The following USP42 variants were observed in gnomAD, a reference collection of about 807,000 sequenced individuals.
USP42 encodes ubiquitin carboxyl-terminal hydrolase 42.
USP42 carries 23 observed loss-of-function variants against 113.0 expected under a neutral mutation model. That is an observed-to-expected ratio of 0.20 (90% CI 0.15 to 0.29). The LOEUF (loss-of-function observed/expected upper bound fraction) is 0.29. USP42 is among the 10% of genes least tolerant of loss of function. The pLI, the probability that USP42 is intolerant of heterozygous loss-of-function variation, is 1.00. For missense variants in USP42, 2,174 were observed against 1,779.8 expected (o/e 1.22, Z -3.99); for synonymous variants, 933 against 699.0 (o/e 1.33, Z -5.28).
At chr7:6,105,678 C>T (rs1779239965) in intron 1 of USP42, among the ~76,000 whole-genome samples, 1 of 152,212 alleles carries the variant, frequency 6.6e-6, no homozygotes, top group Admixed American at 6.5e-5. Context: ...GAGGAGAAGC[C>T]GGGTGGCGCG....
chr7:6,100,004 C>CTAT (rs1554332997), upstream of USP42, among the ~76,000 whole-genome samples: 2,893 of 144,294 alleles, frequency 0.02, 54 homozygotes, highest in Middle Eastern at 0.077. Context: ...TTTCACAAGT[C>CTAT]TATTATTATT....
chr7:6,135,773 G>A, intron 3 of USP42, 68 bp from the exon 4 acceptor site: 1 of 738,988 alleles, frequency 1.4e-6, no homozygotes, highest in Non-Finnish European at 2.0e-6. Context: ...CCCCTGATTT[G>A]TAATTAGCCT....
chr7:6,152,521 A>G (rs771381500), intron 14 of USP42, among the ~76,000 whole-genome samples: 16 of 151,710 alleles, frequency 1.1e-4, no homozygotes, highest in Non-Finnish European at 1.9e-4. Context: ...GAGTGCCCTC[A>G]CTGAGGCCCT....
At position 6,133,891 on chromosome 7, in the gene USP42, C is replaced by CTT. The variant is rs386409441; in HGVS notation, c.443-1934_443-1933dup. Reference sequence around the variant, plus strand: ...TGCATCTATTTCCATGTTTCTTCTTCTTTTTTTTTTTTTTTTTGAGACAGC... The same window carrying CTT: ...TGCATCTATTTCCATGTTTCTTCTTCTTTTTTTTTTTTTTTTTTTGAGACAGC... On this transcript the variant is annotated intron_variant, in intron 3 of 17. Coordinates refer to ENST00000306177, the MANE Select transcript of USP42 (RefSeq NM_032172.3). 9.1e-4 allele frequency among the ~76,000 whole-genome samples: 118 copies of CTT among 129,018 alleles called. 2 individuals carry two copies. Among genetic ancestry groups the CTT allele is most frequent in the East Asian group, 6.6e-3 (29 of 4,398 alleles). 84.6% of individuals were successfully genotyped at this position (129,018 alleles called of 152,430 possible).
At chr7:6,101,564 G>A (rs543776164), upstream of USP42, among the ~76,000 whole-genome samples, 1 of 151,306 alleles carries the variant, frequency 6.6e-6, no homozygotes, top group South Asian at 2.1e-4. Context: ...CTCAGCCAAG[G>A]CCCCAGCTGT....
rs1003626233 is a variant in USP42, at chr7:6,153,972, C to T, written c.2418C>T (p.Gly806=). 1.3e-6 allele frequency: 2 copies of T among 1,595,574 alleles called. No homozygotes were observed. The highest frequency in any genetic ancestry group is 1.3e-5 in the African/African-American group (1 of 74,724). ...CCGAGGAGCCTCCGCCCAGCGCCGG[C>T]GAGGACATCGTGGGGGACACAGCAC... The part of the protein sequence containing the change: ...VAPEEPPPSA[G]EDIVGDTAPP... The change falls in exon 15 of 18, where the codon GGC becomes GGT. Residue 806 remains glycine, a synonymous_variant. Transcript: ENST00000306177.
the USP42 span, among the ~76,000 whole-genome samples, chr7:6,097,564 G>GC: frequency 4.1e-4 from 61 of 150,110 alleles, no homozygotes; most frequent in Admixed American, 3.0e-3. Flanking sequence ...AAGCCACTGC[G>GC]CCCAGCCATG....
chr7:6,110,141 A>G (rs1210635595), intron 1 of USP42, among the ~76,000 whole-genome samples: 1 of 152,104 alleles, frequency 6.6e-6, no homozygotes, highest in East Asian at 1.9e-4. Context: ...GCCTCCTGAA[A>G]GGTTTTCTAC....
chr7:6,122,557 G>C (rs1042628685), intron 3 of USP42, among the ~76,000 whole-genome samples: 2 of 151,354 alleles, frequency 1.3e-5, no homozygotes, highest in Non-Finnish European at 1.5e-5. Flanking sequence ...TGCAACCTGC[G>C]CCTCATGGGT....
At chr7:6,099,153 C>T in the USP42 span, among the ~76,000 whole-genome samples, 1 of 148,810 alleles carries the variant, frequency 6.7e-6, no homozygotes, top group Non-Finnish European at 1.5e-5. Context: ...AGGCTCTGCT[C>T]TCTGGCTTTC....
At chr7:6,112,004 C>T (rs764738787) in intron 2 of USP42, 2 of 152,244 alleles carry the variant, frequency 1.3e-5, no homozygotes, top group Non-Finnish European at 2.9e-5. Context: ...AGTAGTTATT[C>T]TAGTTTCCTA....
chr7:6,129,910 A>T (rs1005317678), intron 3 of USP42, among the ~76,000 whole-genome samples: 9 of 152,022 alleles, frequency 5.9e-5, no homozygotes, highest in African/African-American at 2.2e-4. Context: ...ACCATATCAG[A>T]CAATGTTATA....
At chr7:6,098,008 G>T in the USP42 span, among the ~76,000 whole-genome samples, 1 of 142,894 alleles carries the variant, frequency 7.0e-6, no homozygotes, top group South Asian at 2.2e-4. Flanking sequence ...TGGTTTAAGC[G>T]ATTCTCCTGC....
intron 1 of USP42, among the ~76,000 whole-genome samples, chr7:6,107,290 G>A (rs752588819): frequency 6.6e-6 from 1 of 151,940 alleles, no homozygotes; most frequent in Non-Finnish European, 1.5e-5. Context: ...TTGTTCTGAA[G>A]GTATGTTTAT....
Position 6,156,838 on chromosome 7 carries a change from A to C in USP42, c.3726A>C (p.Arg1242Ser). 1 of 1,609,672 alleles carries C rather than the reference A, an allele frequency of 6.2e-7. No homozygotes were observed. The highest frequency in any genetic ancestry group is 8.5e-7 in the Non-Finnish European group (1 of 1,178,892). ...AAAAAAAGAAGAAGAAAAAGAAGAG[A>C]CATTCAAGAAAATCAGAGGACTTTG... ...RHKKKKKKKK[R>S]HSRKSEDFVK... The change falls in exon 16 of 18, where the codon AGA becomes AGC. Residue 1242 changes from arginine (R) to serine (S), a missense_variant. Coordinates refer to ENST00000306177, the MANE Select transcript of USP42 (RefSeq NM_032172.3).
chr7:6,155,398 T>G (rs896330841), intron 15 of USP42, among the ~76,000 whole-genome samples: 11 of 152,224 alleles, frequency 7.2e-5, no homozygotes, highest in Non-Finnish European at 4.4e-5. Flanking sequence ...AGCTGTATCT[T>G]TATTCTTCAT....
the USP42 span, among the ~76,000 whole-genome samples, chr7:6,082,718 C>G: frequency 2.3e-5 from 3 of 133,110 alleles, no homozygotes; most frequent in Non-Finnish European, 3.1e-5. Context: ...TCAAGCAATT[C>G]TCCTATCTGA....
chr7:6,092,057 C>T, the USP42 span, among the ~76,000 whole-genome samples: 157 of 56,538 alleles, frequency 2.8e-3, 16 homozygotes, highest in Middle Eastern at 0.021. Flanking sequence ...CTTCTTCTTT[C>T]TTCTTCTTCT....
chr7:6,106,152 G>C (rs940564650), intron 1 of USP42, among the ~76,000 whole-genome samples: 12 of 152,130 alleles, frequency 7.9e-5, no homozygotes, highest in African/African-American at 2.7e-4. Context: ...TTTCTCTTCT[G>C]TATCTTTGAA....
Sources: allele counts gnomAD v4.1 joint callset (sites outside exome capture counted in the v4.1 genomes callset), GRCh38; gene constraint gnomAD v4.1.1; transcripts MANE v1.5; gene names NCBI Gene and HGNC (gene_info 2026-07-23, HGNC 2026-07-21).